The following CTNS variants were observed in gnomAD, a reference collection of about 807,000 sequenced individuals.
CTNS encodes the protein cystinosin, lysosomal cystine transporter.
A neutral mutation model predicts 43.7 loss-of-function variants in CTNS; 27 were observed. The observed-to-expected ratio is 0.62, with a 90% CI of 0.46 to 0.85. The LOEUF (loss-of-function observed/expected upper bound fraction) is 0.85. CTNS is among the 40% of genes least tolerant of loss of function. CTNS has a pLI of 0.00. For synonymous variants in CTNS, 187 were observed against 190.6 expected (o/e 0.98, Z 0.16); for missense variants, 457 against 475.4 (o/e 0.96, Z 0.36).
At position 3,659,851 on chromosome 17, in the gene CTNS, G is replaced by A. The variant is rs1467518585; in HGVS notation, c.853-7G>A. 2 of 1,609,302 alleles carry A rather than the reference G, an allele frequency of 1.2e-6. No homozygotes were observed. Among genetic ancestry groups the A allele is most frequent in the South Asian group, 1.1e-5 (1 of 90,980 alleles). ...CCTCCGTCTGTCTGTCCGTCTGTCT[G>A]GCCCAGGCCTACATGAACTTTTACT... On this transcript the variant is annotated splice_region_variant and splice_polypyrimidine_tract_variant and intron_variant, in intron 10 of 11. Coordinates refer to ENST00000046640, the MANE Select transcript of CTNS (RefSeq NM_004937.3).
intron 3 of CTNS, among the ~76,000 whole-genome samples, chr17:3,641,765 A>G (rs1393907793): frequency 6.6e-6 from 1 of 152,138 alleles, no homozygotes; most frequent in Non-Finnish European, 1.5e-5. Flanking sequence ...CCCAGAGCCT[A>G]GCACCATTGC....
intron 9 of CTNS, 143 bp downstream of exon 9, chr17:3,656,938 C>G (rs1435275506): frequency 3.0e-6 from 4 of 1,355,676 alleles, no homozygotes; most frequent in Non-Finnish European, 4.1e-6. Context: ...ATAGAAGACA[C>G]CCATGAGTCC....
At chr17:3,657,831 C>G in intron 9 of CTNS, 174 bp from the exon 10 acceptor site, 1 of 668,328 alleles carries the variant, frequency 1.5e-6, no homozygotes, top group African/African-American at 1.8e-5. Context: ...TTTCTGTGGT[C>G]CACATGTTCC....
chr17:3,658,377 G>C (rs183099131), intron 10 of CTNS, among the ~76,000 whole-genome samples: 1 of 152,210 alleles, frequency 6.6e-6, no homozygotes, highest in African/African-American at 2.4e-5. Flanking sequence ...ACAGGAGATC[G>C]CTAGCGGAGG....
rs1332086669 is a variant in CTNS, at chr17:3,659,897, A to G, written c.892A>G (p.Ser298Gly). The change falls in exon 11 of 12, where the codon AGC becomes GGC. Residue 298 changes from serine (S) to glycine (G), a missense_variant. Coordinates refer to ENST00000046640, the MANE Select transcript of CTNS (RefSeq NM_004937.3). ...NFYYKSTEGW[S>G]IGNVLLDFTG... ...TTACTACAAAAGCACTGAGGGCTGG[A>G]GCATTGGCAACGTGCTCCTGGACTT... 3 of 1,613,860 alleles carry G rather than the reference A, an allele frequency of 1.9e-6. No individual in the cohort carries two copies. Among genetic ancestry groups the G allele is most frequent in the Non-Finnish European group, 2.5e-6 (3 of 1,180,010 alleles).
chr17:3,658,263 C>A, intron 10 of CTNS, 88 bp downstream of exon 10: 1 of 1,539,078 alleles, frequency 6.5e-7, no homozygotes, highest in Non-Finnish European at 8.9e-7. Flanking sequence ...GCAGCTCCTG[C>A]CGGCGTGAGG....
rs546028250 is a variant in CTNS, at chr17:3,658,212, G to A, written c.852+37G>A. The A allele has an allele frequency of 2.5e-5, 40 of 1,610,286 alleles. 1 individual carries two copies. In the East Asian group the frequency reaches 3.1e-4, roughly 13 times the overall value. On this transcript the variant is annotated intron_variant, in intron 10 of 11. Transcript: ENST00000046640. ...GCCCTGTTCACATGGCCGGTGGCAG[G>A]AGAGGTGAGAGCTACATGGCCCAGG... is the stretch of plus-strand genomic sequence containing the variant.
chr17:3,653,135 G>GGC (rs2076027144), intron 5 of CTNS, among the ~76,000 whole-genome samples: 1 of 152,224 alleles, frequency 6.6e-6, no homozygotes, highest in East Asian at 1.9e-4. Flanking sequence ...CGGAAGGCCG[G>GGC]GCATGGTGGC....
rs1191822534 is a variant in CTNS, at chr17:3,660,752, C to T, written c.*383C>T. 3.1e-6 allele frequency: 5 copies of T among 1,613,222 alleles called. No individual in the cohort carries two copies. The highest frequency in any genetic ancestry group is 4.2e-6 in the Non-Finnish European group (5 of 1,180,004). ...AGGGCTGACCTTGCAGCCGGGTGAGCCAAGGGCACTTTGCTGCCACCGCTG... is the reference window on the plus strand; with the variant it reads ...AGGGCTGACCTTGCAGCCGGGTGAGTCAAGGGCACTTTGCTGCCACCGCTG... On this transcript the variant is annotated 3_prime_UTR_variant, in exon 12 of 12. Transcript: ENST00000046640.
chr17:3,655,381 C>T, intron 7 of CTNS, 29 bp downstream of exon 7: 5 of 1,613,306 alleles, frequency 3.1e-6, no homozygotes, highest in Non-Finnish European at 4.2e-6. Context: ...TGTGCAGGCT[C>T]TCTCGGGGCC....
Position 3,649,925 on chromosome 17 carries a change from A to G in CTNS, c.225+994A>G, listed in dbSNP as rs1489836217. ...CTGGCGATATAGTTAACAATCATGTATTACTGCATGCCTAAAAACTGCTAA... is the reference window on the plus strand; with the variant it reads ...CTGGCGATATAGTTAACAATCATGTGTTACTGCATGCCTAAAAACTGCTAA... On this transcript the variant is annotated intron_variant, in intron 5 of 11. Coordinates refer to ENST00000046640, the MANE Select transcript of CTNS (RefSeq NM_004937.3). 1.3e-5 allele frequency among the ~76,000 whole-genome samples: 2 copies of G among 152,232 alleles called. 1 individual carries two copies. Among genetic ancestry groups the G allele is most frequent in the South Asian group, 4.1e-4 (2 of 4,836 alleles).
At chr17:3,637,050 C>T (rs2075547049) in intron 1 of CTNS, 57 bp from the exon 2 acceptor site, 1 of 152,370 alleles carries the variant, frequency 6.6e-6, no homozygotes, top group South Asian at 2.1e-4. Context: ...GGGTGCCGTT[C>T]CCAGCCCCTT....
At chr17:3,658,697 A>C (rs1230768876) in intron 10 of CTNS, among the ~76,000 whole-genome samples, 1 of 152,166 alleles carries the variant, frequency 6.6e-6, no homozygotes. Context: ...AACTCACCCC[A>C]TTCCCAAAGG....
Position 3,637,209 on chromosome 17 carries a change from C to T in CTNS, c.-127C>T, listed in dbSNP as rs1472364158. ...CAGCACGAGACCCCATCCTCCCCTC[C>T]GGGTTTTCACACTGGGCGAAGGGAG... On this transcript the variant is annotated 5_prime_UTR_variant, in exon 2 of 12. Coordinates refer to ENST00000046640, the MANE Select transcript of CTNS (RefSeq NM_004937.3). The T allele has an allele frequency of 1.3e-5, 2 of 152,214 alleles. No homozygotes were observed. Among genetic ancestry groups the T allele is most frequent in the East Asian group, 1.9e-4 (1 of 5,200 alleles). 9.4% of individuals were successfully genotyped at this position (152,214 alleles called of 1,614,324 possible). A position where few individuals can be genotyped will look rare whatever the true frequency, so the allele number is the denominator to read the frequency against.
intron 7 of CTNS, 146 bp downstream of exon 7, chr17:3,655,498 CT>C: frequency 4.1e-6 from 5 of 1,226,598 alleles, no homozygotes; most frequent in Non-Finnish European, 5.9e-6. Flanking sequence ...AGTGCGAAGG[CT>C]CGGAGAGCCT....
rs142899525 is a variant in CTNS, at chr17:3,646,321, C to G, written c.62-1123C>G. On this transcript the variant is annotated intron_variant, in intron 3 of 11. Transcript: ENST00000046640. Reference sequence around the variant, plus strand: ...TTTTTTTTTTTTTGAGATGGAGTCTCGCTCTGTTGCCCAGGCTGGAATGCA... The same window carrying G: ...TTTTTTTTTTTTTGAGATGGAGTCTGGCTCTGTTGCCCAGGCTGGAATGCA... Among the ~76,000 whole-genome samples the G allele has an allele frequency of 2.7e-3, 378 of 142,408 alleles. 11 individuals carry two copies. In the East Asian group the frequency reaches 0.066, roughly 25 times the overall value. The allele number at this position is 142,408 out of a possible 152,430, so 93.4% of individuals were successfully genotyped here. A position where few individuals can be genotyped will look rare whatever the true frequency, so the allele number is the denominator to read the frequency against.
rs956350938 is a variant in CTNS at position 3,662,149 on chromosome 17, A to C, written c.*1780A>C. 6.6e-6 allele frequency among the ~76,000 whole-genome samples: 1 copy of C among 152,114 alleles called. No individual in the cohort carries two copies. The highest frequency in any genetic ancestry group is 1.5e-5 in the Non-Finnish European group (1 of 68,028). ...AACATTGCAAAACCCCATCTCTACTAAAGATACAAAAATTAGCTGGGCATG... is the reference window on the plus strand; with the variant it reads ...AACATTGCAAAACCCCATCTCTACTCAAGATACAAAAATTAGCTGGGCATG... On this transcript the variant is annotated 3_prime_UTR_variant, in exon 12 of 12. Coordinates refer to ENST00000046640, the MANE Select transcript of CTNS (RefSeq NM_004937.3).
In CTNS at chr17:3,660,304, G is replaced by GT; in HGVS notation, c.1040dup (p.Val348ArgfsTer17). 6.2e-7 allele frequency: 1 copy of GT among 1,614,240 alleles called. No individual in the cohort carries two copies. The highest frequency in any genetic ancestry group is 1.1e-5 in the South Asian group (1 of 91,090). On this transcript the variant is annotated frameshift_variant, in exon 12 of 12. Coordinates refer to ENST00000046640, the MANE Select transcript of CTNS (RefSeq NM_004937.3). LOFTEE classifies it high-confidence loss of function. ...CGGGGTCTTCTCCATCGTCTTCGAC[G>GT]TCGTCTTCTTCATCCAGCACTTCTG...
At position 3,662,182 on chromosome 17, in the gene CTNS, G is replaced by A. The variant is rs980980362; in HGVS notation, c.*1813G>A. 1.3e-5 allele frequency among the ~76,000 whole-genome samples: 2 copies of A among 152,068 alleles called. No individual in the cohort carries two copies. The highest frequency in any genetic ancestry group is 2.4e-5 in the African/African-American group (1 of 41,404). The stretch of plus-strand genomic sequence containing the variant: ...AAAAATTAGCTGGGCATGGTGGCGG[G>A]CACCTGTAATCCCAGCTACTTGGTT... On this transcript the variant is annotated 3_prime_UTR_variant, in exon 12 of 12. Transcript: ENST00000046640.
Sources: gnomAD v4.1 joint callset for allele counts (sites outside exome capture counted in the v4.1 genomes callset) on GRCh38, gnomAD v4.1.1 for gene constraint, MANE v1.5 for transcripts, NCBI Gene and HGNC (gene_info 2026-07-23, HGNC 2026-07-21) for gene names.